The following CAMSAP2 variants were observed in gnomAD, a reference collection of about 807,000 sequenced individuals.
CAMSAP2 encodes calmodulin-regulated spectrin-associated protein 2.
A neutral mutation model predicts 146.1 loss-of-function variants in CAMSAP2; 26 were observed. That is an observed-to-expected ratio of 0.18 (90% CI 0.13 to 0.25). The LOEUF (loss-of-function observed/expected upper bound fraction) is 0.25. CAMSAP2 is among the 10% of genes least tolerant of loss of function. CAMSAP2 has a pLI of 1.00. For synonymous variants in CAMSAP2, 499 were observed against 596.6 expected (o/e 0.84, Z 2.38); for missense variants, 1,381 against 1,759.3 (o/e 0.78, Z 3.85).
intron 3 of CAMSAP2, among the ~76,000 whole-genome samples, chr1:200,814,637 A>G (rs1010817840): frequency 7.9e-6 from 1 of 126,744 alleles, no homozygotes; most frequent in African/African-American, 2.9e-5. Context: ...AAAAAAAACA[A>G]GAAGAAGATA....
rs543641863 is a variant in CAMSAP2, at chr1:200,772,230, C to T, written c.399+11132C>T. Among the ~76,000 whole-genome samples the T allele has an allele frequency of 4.0e-5, 6 of 151,824 alleles. No homozygotes were observed. In the South Asian group the frequency reaches 1.2e-3, roughly 31 times the overall value. On this transcript the variant is annotated intron_variant, in intron 2 of 16. Coordinates refer to ENST00000358823, the MANE Select transcript of CAMSAP2 (RefSeq NM_203459.4). ...CTTGTAACTTTATTTTTTTAAGATT[C>T]TATTTGAAAAAAAAATATGGGTTGT...
chr1:200,790,574 C>T (rs1364910986), intron 2 of CAMSAP2, among the ~76,000 whole-genome samples: 1 of 152,178 alleles, frequency 6.6e-6, no homozygotes, highest in East Asian at 1.9e-4. Flanking sequence ...AGTCTTTGCT[C>T]TGGTAATCTG....
At chr1:200,760,816 A>T (rs2103001595) in intron 1 of CAMSAP2, 23 bp from the exon 2 acceptor site, 1 of 1,512,138 alleles carries the variant, frequency 6.6e-7, no homozygotes, top group Non-Finnish European at 8.9e-7. Flanking sequence ...TTGTAAGAGA[A>T]TTTTTTCCAT....
At chr1:200,744,433 A>G (rs985799437) in intron 1 of CAMSAP2, among the ~76,000 whole-genome samples, 2 of 152,204 alleles carry the variant, frequency 1.3e-5, no homozygotes, top group Non-Finnish European at 2.9e-5. Flanking sequence ...GACAGAGAAG[A>G]AAGTATAGTA....
At position 200,787,979 on chromosome 1, in the gene CAMSAP2, C is replaced by G. The variant is rs75174428; in HGVS notation, c.400-19397C>G. ...GTTTTTTAGACATAATGATATTGCA[C>G]TCAATAGATTACAGTATAAGCATAA... On this transcript the variant is annotated intron_variant, in intron 2 of 16. Coordinates refer to ENST00000358823, the MANE Select transcript of CAMSAP2 (RefSeq NM_203459.4). Among the ~76,000 whole-genome samples the G allele has an allele frequency of 2.6e-3, 393 of 152,210 alleles. 3 individuals are homozygous for G. Among genetic ancestry groups the G allele is most frequent in the Non-Finnish European group, 4.2e-3 (286 of 68,022 alleles).
Position 200,853,528 on chromosome 1 carries a change from A to G in CAMSAP2, c.3823+33A>G. 6.7e-7 allele frequency: 1 copy of G among 1,485,652 alleles called. No homozygotes were observed. 92.0% of individuals were successfully genotyped at this position (1,485,652 alleles called of 1,614,324 possible). A position where few individuals can be genotyped will look rare whatever the true frequency, so the allele number is the denominator to read the frequency against. Reference sequence around the variant, plus strand: ...AGCTTATTATGAAGAGTCTGTTCATAAAAAACACCAGCTTGATTGGTTTGT... The same window carrying G: ...AGCTTATTATGAAGAGTCTGTTCATGAAAAACACCAGCTTGATTGGTTTGT... On this transcript the variant is annotated intron_variant, in intron 13 of 16. Transcript: ENST00000358823. The surrounding 1 kb of genome is among the most constrained non-coding windows in gnomAD (Gnocchi z 5.1).
rs71138304 is a variant in CAMSAP2, at chr1:200,847,391, TTG to T, written c.1192+117_1192+118del. ...AAATAAACAAATATCCAGGGTTTTT[TTG>T]TGTGTGTGTGTGTGTGTTTTTTTGT... is the stretch of plus-strand genomic sequence containing the variant. On this transcript the variant is annotated intron_variant, in intron 9 of 16. Coordinates refer to ENST00000358823, the MANE Select transcript of CAMSAP2 (RefSeq NM_203459.4). 1.3e-3 allele frequency: 934 copies of T among 730,898 alleles called. 3 individuals carry two copies. Among genetic ancestry groups the T allele is most frequent in the East Asian group, 5.6e-3 (188 of 33,338 alleles). 45.3% of individuals were successfully genotyped at this position (730,898 alleles called of 1,614,324 possible). A position where few individuals can be genotyped will look rare whatever the true frequency, so the allele number is the denominator to read the frequency against.
intron 2 of CAMSAP2, among the ~76,000 whole-genome samples, chr1:200,792,279 T>C (rs2103032672): frequency 6.6e-6 from 1 of 152,308 alleles, no homozygotes; most frequent in South Asian, 2.1e-4. Flanking sequence ...CTTAAGTAGT[T>C]TACCGGAATA....
At chr1:200,828,078 C>A (rs1188856646) in intron 4 of CAMSAP2, among the ~76,000 whole-genome samples, 1 of 151,972 alleles carries the variant, frequency 6.6e-6, no homozygotes, top group Non-Finnish European at 1.5e-5. Flanking sequence ...AGGAAATGAT[C>A]ATCTTGATAT....
chr1:200,772,332 G>A (rs1665140475), intron 2 of CAMSAP2, among the ~76,000 whole-genome samples: 1 of 152,230 alleles, frequency 6.6e-6, no homozygotes, highest in East Asian at 1.9e-4. Flanking sequence ...ATGTAGGCTG[G>A]GCACAGTGAC....
chr1:200,751,788 G>A (rs1664514140), intron 1 of CAMSAP2, among the ~76,000 whole-genome samples: 1 of 152,166 alleles, frequency 6.6e-6, no homozygotes, highest in African/African-American at 2.4e-5. Flanking sequence ...AGGTAATTAA[G>A]ATGGAGAGAC....
intron 2 of CAMSAP2, among the ~76,000 whole-genome samples, chr1:200,785,605 G>A (rs1040290661): frequency 2.6e-5 from 4 of 152,144 alleles, no homozygotes; most frequent in South Asian, 2.1e-4. Flanking sequence ...TGCCAGGCCG[G>A]TCTCGAACTC....
At chr1:200,758,605 T>C (rs1430521579) in intron 1 of CAMSAP2, among the ~76,000 whole-genome samples, 4 of 152,228 alleles carry the variant, frequency 2.6e-5, no homozygotes, top group African/African-American at 9.6e-5. Context: ...CATCCACTCT[T>C]GACCTCTTTC....
chr1:200,746,468 G>A (rs1380144363), intron 1 of CAMSAP2, among the ~76,000 whole-genome samples: 1 of 152,176 alleles, frequency 6.6e-6, no homozygotes, highest in Non-Finnish European at 1.5e-5. Context: ...GGGTTGGGGG[G>A]AAAGAACCAT....
intron 2 of CAMSAP2, among the ~76,000 whole-genome samples, chr1:200,766,625 A>G (rs931104003): frequency 7.9e-5 from 12 of 152,208 alleles, no homozygotes; most frequent in African/African-American, 2.9e-4. Flanking sequence ...GATTCTGAAC[A>G]TCTCTGCTTT....
intron 6 of CAMSAP2, among the ~76,000 whole-genome samples, chr1:200,841,154 T>C (rs1241310019): frequency 3.3e-5 from 5 of 152,350 alleles, no homozygotes; most frequent in East Asian, 1.9e-4. Context: ...GTTTTGTACA[T>C]TTCAAAATTA....
intron 1 of CAMSAP2, among the ~76,000 whole-genome samples, chr1:200,744,541 T>C (rs1664266991): frequency 6.6e-6 from 1 of 152,234 alleles, no homozygotes; most frequent in South Asian, 2.1e-4. Context: ...TTTAAGAGTT[T>C]ATGCTTTGCT....
rs1023474987 is a variant in CAMSAP2 at position 200,857,549 on chromosome 1, T to C, written c.4131+125T>C. 1 of 806,898 alleles carries C rather than the reference T, an allele frequency of 1.2e-6. No individual in the cohort carries two copies. Among genetic ancestry groups the C allele is most frequent in the Non-Finnish European group, 2.0e-6 (1 of 507,942 alleles). 50.0% of individuals were successfully genotyped at this position (806,898 alleles called of 1,614,324 possible). On this transcript the variant is annotated intron_variant, in intron 16 of 16. Transcript: ENST00000358823. This position sits in a 1 kb window ranked among gnomAD's most constrained non-coding sequence, Gnocchi z 4.7. ...TAAAAAGATCTGTAGCTAGATGTTT[T>C]AATTATCAGATTTAGTTTATTTTCA...
intron 2 of CAMSAP2, among the ~76,000 whole-genome samples, chr1:200,806,732 C>T (rs1432908579): frequency 6.7e-6 from 1 of 148,708 alleles, no homozygotes; most frequent in Non-Finnish European, 1.5e-5. Context: ...TTTTTTAGAA[C>T]TTCCATATAA....
Sources: gnomAD v4.1 joint callset for allele counts (sites outside exome capture counted in the v4.1 genomes callset) on GRCh38, gnomAD v4.1.1 for gene constraint, Gnocchi (gnomAD v3.1) non-coding constraint, MANE v1.5 for transcripts, NCBI Gene and HGNC (gene_info 2026-07-23, HGNC 2026-07-21) for gene names.